Variants in TES observed in about 807,000 individuals in gnomAD.
The protein encoded by TES is testin.
A neutral mutation model predicts 48.2 loss-of-function variants in TES; 41 were observed. That is an observed-to-expected ratio of 0.85 (90% CI 0.66 to 1.10). The LOEUF (loss-of-function observed/expected upper bound fraction) is 1.10. TES is among the 50% of genes least tolerant of loss of function. TES has a pLI of 0.00. For synonymous variants in TES, 162 were observed against 174.9 expected (o/e 0.93, Z 0.58); for missense variants, 463 against 515.1 (o/e 0.90, Z 0.98).
chr7:116,210,596 G>T lies in TES; in HGVS notation c.-112G>T. The stretch of plus-strand genomic sequence containing the variant: ...GCGCCGGGCGAGTGGCTGTTGAGCG[G>T]CGCCGCGGGAGTTCCGCAGGTTTCC... On this transcript the variant is annotated 5_prime_UTR_variant, in exon 1 of 7. Transcript: ENST00000358204. 1 of 1,172,474 alleles carries T rather than the reference G, an allele frequency of 8.5e-7. No homozygotes were observed. The allele number at this position is 1,172,474 out of a possible 1,614,324, so 72.6% of individuals were successfully genotyped here.
chr7:116,219,987 C>G (rs759893547), intron 1 of TES, among the ~76,000 whole-genome samples: 17 of 152,040 alleles, frequency 1.1e-4, no homozygotes, highest in Non-Finnish European at 2.1e-4. Context: ...ACATAGGCCT[C>G]TCCAAATTCA....
At chr7:116,255,112 A>AC (rs1410955184) in intron 6 of TES, 4 of 151,874 alleles carry the variant, frequency 2.6e-5, no homozygotes, top group African/African-American at 4.8e-5. Flanking sequence ...TGGCAGATGC[A>AC]CCTACTTTGT....
At chr7:116,224,251 A>G (rs369172212) in intron 1 of TES, among the ~76,000 whole-genome samples, 57 of 152,208 alleles carry the variant, frequency 3.7e-4, no homozygotes, top group African/African-American at 1.3e-3. Context: ...AGCCACTTCC[A>G]AATTCCTGAC....
At chr7:116,215,137 G>C (rs1799479868) in intron 1 of TES, among the ~76,000 whole-genome samples, 1 of 152,134 alleles carries the variant, frequency 6.6e-6, no homozygotes, top group Non-Finnish European at 1.5e-5. Flanking sequence ...GAAACTAAAA[G>C]TTTAGATAGC....
At chr7:116,255,655 C>T (rs1263891145) in intron 6 of TES, among the ~76,000 whole-genome samples, 1 of 151,988 alleles carries the variant, frequency 6.6e-6, no homozygotes, top group African/African-American at 2.4e-5. Context: ...AATCACAGGT[C>T]TGAGAAAAAG....
At chr7:116,230,497 G>A (rs546222507) in intron 1 of TES, among the ~76,000 whole-genome samples, 2 of 152,296 alleles carry the variant, frequency 1.3e-5, no homozygotes, top group Admixed American at 1.3e-4. Context: ...TTTTCCCAAG[G>A]CCTGGTCTCC....
chr7:116,257,764 T>C lies in TES; in HGVS notation c.*282T>C, dbSNP rs949810294. 3 of 226,576 alleles carry C rather than the reference T, an allele frequency of 1.3e-5. No individual in the cohort carries two copies. The Admixed American group carries it at 1.6e-4, about 12-fold the overall frequency. The allele number at this position is 226,576 out of a possible 1,614,324, so 14.0% of individuals were successfully genotyped here. ...TTGGAAGCTTGGATCTCATTAAACT[T>C]CATGTCTCTATTCCATTTGTGCCAC... On this transcript the variant is annotated 3_prime_UTR_variant, in exon 7 of 7. Transcript: ENST00000358204.
chr7:116,229,020 AT>A lies in TES; in HGVS notation c.28-5513del, dbSNP rs1180301599. On this transcript the variant is annotated intron_variant, in intron 1 of 6. Coordinates refer to ENST00000358204, the MANE Select transcript of TES (RefSeq NM_015641.4). ...TAACTATATATATATATATATATATATATATATATATATAATCATTTCCTTA... is the reference window on the plus strand; with the variant it reads ...TAACTATATATATATATATATATATAATATATATATATAATCATTTCCTTA... 4.7e-4 allele frequency among the ~76,000 whole-genome samples: 64 copies of A among 136,122 alleles called. 2 individuals are homozygous for A. The highest frequency in any genetic ancestry group is 1.3e-3 in the African/African-American group (46 of 36,614). 89.3% of individuals were successfully genotyped at this position (136,122 alleles called of 152,430 possible).
rs576758125 is a variant in TES at position 116,258,638 on chromosome 7, A to T, written c.*1156A>T. The T allele has an allele frequency of 6.5e-6, 1 of 152,718 alleles. No homozygotes were observed. Among genetic ancestry groups the T allele is most frequent in the East Asian group, 1.9e-4 (1 of 5,186 alleles). 9.5% of individuals were successfully genotyped at this position (152,718 alleles called of 1,614,324 possible). ...TTCCAAGCCTGTCCATGGATATATCAAATGTCTTCACTTGTATATTTTCAT... is the reference window on the plus strand; with the variant it reads ...TTCCAAGCCTGTCCATGGATATATCTAATGTCTTCACTTGTATATTTTCAT... On this transcript the variant is annotated 3_prime_UTR_variant, in exon 7 of 7. Transcript: ENST00000358204.
chr7:116,252,545 GC>G, intron 6 of TES, 69 bp downstream of exon 6: 1 of 1,610,402 alleles, frequency 6.2e-7, no homozygotes, highest in East Asian at 2.2e-5. Flanking sequence ...TTTTCTTAAA[GC>G]CTCTTACAAA....
chr7:116,210,915 C>G (rs1196652876), intron 1 of TES, 181 bp downstream of exon 1: 1 of 416,922 alleles, frequency 2.4e-6, no homozygotes, highest in Non-Finnish European at 4.0e-6. Flanking sequence ...GCTCGGCGGC[C>G]CCGCCAGCTC....
intron 6 of TES, among the ~76,000 whole-genome samples, chr7:116,254,258 C>G (rs951990462): frequency 1.3e-5 from 2 of 151,834 alleles, no homozygotes; most frequent in Non-Finnish European, 2.9e-5. Flanking sequence ...CTATTCTGTT[C>G]CCAACACTAG....
At position 116,210,541 on chromosome 7, in the gene TES, T is replaced by G. The variant is rs1465738741; in HGVS notation, c.-167T>G. On this transcript the variant is annotated 5_prime_UTR_variant, in exon 1 of 7. Transcript: ENST00000358204. The stretch of plus-strand genomic sequence containing the variant: ...TCCCGGGTCCGGGCCGCAGGCCCGC[T>G]GCGGCGGACTGGGCGGCGGAAGTTC... 4.2e-6 allele frequency: 3 copies of G among 721,626 alleles called. No homozygotes were observed. The highest frequency in any genetic ancestry group is 5.8e-6 in the Non-Finnish European group (3 of 515,412). 44.7% of individuals were successfully genotyped at this position (721,626 alleles called of 1,614,324 possible).
At chr7:116,230,686 G>A (rs1416234131) in intron 1 of TES, among the ~76,000 whole-genome samples, 2 of 152,170 alleles carry the variant, frequency 1.3e-5, no homozygotes, top group South Asian at 4.1e-4. Flanking sequence ...AAGAGGTTTA[G>A]TTTCTTCCTT....
chr7:116,211,790 T>C (rs992833114), intron 1 of TES, among the ~76,000 whole-genome samples: 2 of 134,684 alleles, frequency 1.5e-5, no homozygotes, highest in African/African-American at 5.2e-5. Flanking sequence ...TTCTATTTTA[T>C]GCCCAGAACT....
chr7:116,254,740 CAAA>C (rs72573276), intron 6 of TES, among the ~76,000 whole-genome samples: 11 of 139,688 alleles, frequency 7.9e-5, no homozygotes, highest in South Asian at 2.4e-4. Flanking sequence ...CACTCCGTCT[CAAA>C]AAAAATATAT....
At chr7:116,240,050 TTC>T (rs1271118984) in intron 2 of TES, among the ~76,000 whole-genome samples, 3 of 152,214 alleles carry the variant, frequency 2.0e-5, no homozygotes, top group African/African-American at 7.2e-5. Flanking sequence ...TGTTCAGAAT[TTC>T]TGATTGATTT....
At chr7:116,217,193 G>A (rs991493005) in intron 1 of TES, among the ~76,000 whole-genome samples, 4 of 152,102 alleles carry the variant, frequency 2.6e-5, no homozygotes, top group African/African-American at 9.7e-5. Context: ...AATTTTGATG[G>A]TGATCCCTGG....
chr7:116,218,858 C>T, intron 1 of TES, among the ~76,000 whole-genome samples: 1 of 152,062 alleles, frequency 6.6e-6, no homozygotes, highest in East Asian at 1.9e-4. Context: ...TTTTTAAAAA[C>T]ACAATAAAAA....
Sources: gnomAD v4.1 joint callset for allele counts (sites outside exome capture counted in the v4.1 genomes callset) on GRCh38, gnomAD v4.1.1 for gene constraint, MANE v1.5 for transcripts, NCBI Gene and HGNC (gene_info 2026-07-23, HGNC 2026-07-21) for gene names.